LPP: variants seen among roughly 807,000 people sequenced by gnomAD.
LPP encodes LIM domain containing preferred translocation partner in lipoma, also known as lipoma-preferred partner.
Under a neutral mutation model 60.4 loss-of-function variants are expected in LPP, and 38 were observed. The observed-to-expected ratio is 0.63, with a 90% CI of 0.49 to 0.83. The LOEUF (loss-of-function observed/expected upper bound fraction) is 0.83, where lower values mean the gene tolerates loss of function less well. LPP is among the 40% of genes least tolerant of loss of function. The pLI is 0.00. For missense variants in LPP, 902 were observed against 783.6 expected, an observed-to-expected ratio of 1.15 and a Z score of -1.80; for synonymous variants, 328 against 290.8, an observed-to-expected ratio of 1.13 and a Z score of -1.30.
At chr3:188,215,695 A>G (rs943309121) in intron 1 of LPP, among the ~76,000 whole-genome samples, 1 of 152,186 alleles carries the variant, frequency 6.6e-6, no homozygotes, top group Non-Finnish European at 1.5e-5. Context: ...TTTAACCTCC[A>G]TGTTATAGAA....
chr3:188,350,281 T>C (rs1765491572), intron 3 of LPP, among the ~76,000 whole-genome samples: 1 of 152,160 alleles, frequency 6.6e-6, no homozygotes, highest in Non-Finnish European at 1.5e-5. Context: ...TAATTATACT[T>C]TGAGAGAGAC....
intron 2 of LPP, among the ~76,000 whole-genome samples, chr3:188,254,326 C>T (rs535676509): frequency 6.6e-6 from 1 of 152,246 alleles, no homozygotes; most frequent in South Asian, 2.1e-4. Flanking sequence ...CCAAGATGGC[C>T]TTACTTTATT....
chr3:188,413,191 T>A (rs1260918636), intron 4 of LPP, among the ~76,000 whole-genome samples: 1 of 152,110 alleles, frequency 6.6e-6, no homozygotes, highest in Admixed American at 6.6e-5. Context: ...AAAGGAATAA[T>A]TTAGACTGGA....
At chr3:188,584,732 T>C (rs1338810542) in intron 6 of LPP, among the ~76,000 whole-genome samples, 2 of 152,094 alleles carry the variant, frequency 1.3e-5, no homozygotes, top group East Asian at 3.8e-4. Flanking sequence ...TTCTTCTTTT[T>C]TTTTCCTTTC....
At chr3:188,184,738 G>A (rs1202259012) in intron 1 of LPP, among the ~76,000 whole-genome samples, 1 of 133,074 alleles carries the variant, frequency 7.5e-6, no homozygotes, top group Non-Finnish European at 1.6e-5. Context: ...GGTACATTTT[G>A]TAATTCAATA....
At chr3:188,517,485 C>T (rs935129527) in intron 5 of LPP, among the ~76,000 whole-genome samples, 9 of 152,126 alleles carry the variant, frequency 5.9e-5, no homozygotes, top group African/African-American at 2.2e-4. Flanking sequence ...TTAGATGTGG[C>T]CTAGTGGGAG....
rs1766354052 is a variant in LPP, at chr3:188,352,909, A to G, written c.-10+11190A>G. 1.3e-5 allele frequency among the ~76,000 whole-genome samples: 2 copies of G among 152,210 alleles called. No individual in the cohort carries two copies. The highest frequency in any genetic ancestry group is 4.1e-4 in the South Asian group (2 of 4,832). On this transcript the variant is annotated intron_variant, in intron 3 of 11. Coordinates refer to ENST00000617246, the MANE Select transcript of LPP (RefSeq NM_001375462.1). This position sits in a 1 kb window ranked among gnomAD's most constrained non-coding sequence, Gnocchi z 4.4. ...CAAGGTGCCACTAACATGTCCATCCACAGAAACTTTTCTGGGGGAGAATGT... is the reference window on the plus strand; with the variant it reads ...CAAGGTGCCACTAACATGTCCATCCGCAGAAACTTTTCTGGGGGAGAATGT...
At chr3:188,563,354 C>T (rs1403100122) in intron 6 of LPP, among the ~76,000 whole-genome samples, 1 of 151,832 alleles carries the variant, frequency 6.6e-6, no homozygotes, top group South Asian at 2.1e-4. Flanking sequence ...TTCATTTTCT[C>T]CCCTGCCAAC....
intron 7 of LPP, among the ~76,000 whole-genome samples, chr3:188,642,132 A>C (rs1452882154): frequency 1.3e-5 from 2 of 152,316 alleles, no homozygotes; most frequent in African/African-American, 4.8e-5. Flanking sequence ...GTTTTGGGGA[A>C]TAGAGTATTT....
At chr3:188,392,375 C>T (rs1210053698) in intron 3 of LPP, among the ~76,000 whole-genome samples, 1 of 152,104 alleles carries the variant, frequency 6.6e-6, no homozygotes, top group Non-Finnish European at 1.5e-5. Context: ...TCAGTGCTTA[C>T]CATGTCTGGG....
chr3:188,424,799 C>G (rs542675335), intron 4 of LPP, among the ~76,000 whole-genome samples: 1 of 152,272 alleles, frequency 6.6e-6, no homozygotes, highest in Admixed American at 6.5e-5. Flanking sequence ...GATTTTGTAT[C>G]CTGAGACTTT....
At chr3:188,240,502 A>G (rs561506533) in intron 2 of LPP, among the ~76,000 whole-genome samples, 1 of 152,254 alleles carries the variant, frequency 6.6e-6, no homozygotes, top group South Asian at 2.1e-4. Context: ...ATACGTACTG[A>G]ATTTGACTGC....
At chr3:188,254,172 T>G (rs1730877836) in intron 2 of LPP, among the ~76,000 whole-genome samples, 1 of 152,176 alleles carries the variant, frequency 6.6e-6, no homozygotes, top group South Asian at 2.1e-4. Context: ...GAAATTAAAC[T>G]CTACAAATGA....
intron 9 of LPP, 127 bp downstream of exon 9, chr3:188,760,409 G>GGT (rs3841956): frequency 0.028 from 16,512 of 593,240 alleles, 37 homozygotes; most frequent in South Asian, 0.054. Context: ...GTGTGTGTGG[G>GGT]GTGTGTGTGT....
chr3:188,756,283 T>C (rs756803242), intron 8 of LPP, among the ~76,000 whole-genome samples: 5 of 152,240 alleles, frequency 3.3e-5, no homozygotes, highest in Non-Finnish European at 7.3e-5. Context: ...TTGGAAATCT[T>C]AATTCACTGA....
At chr3:188,822,550 T>C (rs963050761) in intron 9 of LPP, among the ~76,000 whole-genome samples, 7 of 152,180 alleles carry the variant, frequency 4.6e-5, no homozygotes, top group Admixed American at 4.6e-4. Context: ...TTCCACACTC[T>C]GTGGTGGAAA....
chr3:188,207,713 C>T (rs563398569), intron 1 of LPP, among the ~76,000 whole-genome samples: 1 of 151,314 alleles, frequency 6.6e-6, no homozygotes, highest in African/African-American at 2.4e-5. Flanking sequence ...CCTTGGCCTC[C>T]TGAGTAGCTG....
chr3:188,866,245 C>A lies in LPP; in HGVS notation c.1456C>A (p.Arg486=), dbSNP rs1331003393. 7 of 1,580,150 alleles carry A rather than the reference C, an allele frequency of 4.4e-6. No homozygotes were observed. Among genetic ancestry groups the A allele is most frequent in the African/African-American group, 1.4e-5 (1 of 73,340 alleles). Residue 486 remains arginine (R), a synonymous_variant, in exon 10 of 12, where the codon CGG becomes AGG. Transcript: ENST00000617246. The stretch of plus-strand genomic sequence containing the variant: ...TGTGTGTTCCAAGCCCATCATGGAG[C>A]GGATTCTCCGAGCCACCGGGAAGGC... ...CNVCSKPIME[R]ILRATGKAYH...
intron 2 of LPP, among the ~76,000 whole-genome samples, chr3:188,321,165 C>G (rs1756849077): frequency 6.6e-6 from 1 of 152,154 alleles, no homozygotes; most frequent in Non-Finnish European, 1.5e-5. Context: ...TATTACAGAA[C>G]TTGGCTCCTT....
Sources: gnomAD v4.1 joint callset for allele counts (sites outside exome capture counted in the v4.1 genomes callset) on GRCh38, gnomAD v4.1.1 for gene constraint, Gnocchi (gnomAD v3.1) non-coding constraint, MANE v1.5 for transcripts, NCBI Gene and HGNC (gene_info 2026-07-23, HGNC 2026-07-21) for gene names.